TBC1D12: variants seen among roughly 807,000 people sequenced by gnomAD.
TBC1D12 encodes the protein TBC1 domain family, member 12.
A neutral mutation model predicts 86.7 loss-of-function variants in TBC1D12; 56 were observed. The observed-to-expected ratio is 0.65, with a 90% CI of 0.52 to 0.81. The LOEUF (loss-of-function observed/expected upper bound fraction) is 0.81. Ranked by LOEUF, TBC1D12 falls within the 30% of genes least tolerant of loss-of-function variation. The probability of loss-of-function intolerance (pLI) is 0.00; values close to 1 mark genes in which losing one functional copy is unlikely to be tolerated. For missense variants in TBC1D12, 1,023 were observed against 1,038.8 expected (o/e 0.98, Z 0.21); for synonymous variants, 421 against 411.7 (o/e 1.02, Z -0.27).
At chr10:94,531,485 A>T in intron 12 of TBC1D12, 25 bp downstream of exon 12, 4 of 1,593,822 alleles carry the variant, frequency 2.5e-6, no homozygotes, top group Non-Finnish European at 3.4e-6. Context: ...TCTTATCTTT[A>T]ATAGATGTGT....
intron 3 of TBC1D12, among the ~76,000 whole-genome samples, chr10:94,483,036 C>T: frequency 1.0e-5 from 1 of 100,450 alleles, no homozygotes; most frequent in African/African-American, 4.9e-5. Context: ...ACATATTCTT[C>T]TTCTTTTTTT....
At chr10:94,446,993 A>C (rs894036604) in intron 2 of TBC1D12, among the ~76,000 whole-genome samples, 1 of 151,280 alleles carries the variant, frequency 6.6e-6, no homozygotes, top group Non-Finnish European at 1.5e-5. Flanking sequence ...GAATCACTTG[A>C]ACCTGGGAGG....
chr10:94,464,848 T>C (rs1479469125), intron 2 of TBC1D12, among the ~76,000 whole-genome samples: 3 of 152,148 alleles, frequency 2.0e-5, no homozygotes, highest in Non-Finnish European at 4.4e-5. Context: ...AAACAAGTAG[T>C]GGGGAGAGTG....
intron 6 of TBC1D12, among the ~76,000 whole-genome samples, chr10:94,504,124 T>A (rs980746389): frequency 6.6e-6 from 1 of 152,230 alleles, no homozygotes; most frequent in Non-Finnish European, 1.5e-5. Context: ...AGTTAGATTT[T>A]CTAAATAATA....
chr10:94,487,291 G>T, intron 3 of TBC1D12, among the ~76,000 whole-genome samples: 1 of 142,022 alleles, frequency 7.0e-6, no homozygotes. Flanking sequence ...TTTTTTGATT[G>T]GAGAGTTTAG....
chr10:94,475,425 A>G (rs531511241), intron 3 of TBC1D12, among the ~76,000 whole-genome samples: 4 of 151,916 alleles, frequency 2.6e-5, no homozygotes, highest in African/African-American at 7.3e-5. Context: ...GTTTTGTTTT[A>G]TTTATTTTTA....
chr10:94,532,528 A>C (rs1462675121), intron 12 of TBC1D12, among the ~76,000 whole-genome samples: 1 of 152,144 alleles, frequency 6.6e-6, no homozygotes, highest in Non-Finnish European at 1.5e-5. Flanking sequence ...AGTACAACCC[A>C]CAGTAGTCAT....
chr10:94,495,490 T>A (rs1262011892), intron 4 of TBC1D12, among the ~76,000 whole-genome samples: 1 of 152,172 alleles, frequency 6.6e-6, no homozygotes, highest in Non-Finnish European at 1.5e-5. Flanking sequence ...TTTTATTAAT[T>A]TTAAAATTTT....
chr10:94,519,664 G>A (rs1300622341), intron 9 of TBC1D12, among the ~76,000 whole-genome samples: 1 of 152,204 alleles, frequency 6.6e-6, no homozygotes, highest in African/African-American at 2.4e-5. Flanking sequence ...TCCTCAGGAA[G>A]TTCTAGGGGA....
At chr10:94,478,660 A>G (rs914831427) in intron 3 of TBC1D12, among the ~76,000 whole-genome samples, 16 of 152,204 alleles carry the variant, frequency 1.1e-4, no homozygotes, top group Admixed American at 2.0e-4. Flanking sequence ...CAATAAATCA[A>G]TGATGGTGCT....
Position 94,535,465 on chromosome 10 carries a change from G to T in TBC1D12, c.*2369G>T, listed in dbSNP as rs1259302017. Reference sequence around the variant, plus strand: ...GTTAGTGTAGTGACTGCCTCTTTAGGAGTATGGGGCCCTAGGGTGTCCATA... The same window carrying T: ...GTTAGTGTAGTGACTGCCTCTTTAGTAGTATGGGGCCCTAGGGTGTCCATA... On this transcript the variant is annotated 3_prime_UTR_variant, in exon 13 of 13. Coordinates refer to ENST00000225235, the MANE Select transcript of TBC1D12 (RefSeq NM_015188.2). 6.6e-6 allele frequency: 1 copy of T among 152,114 alleles called. No individual in the cohort carries two copies. Among genetic ancestry groups the T allele is most frequent in the African/African-American group, 2.4e-5 (1 of 41,412 alleles). The allele number at this position is 152,114 out of a possible 1,614,324, so 9.4% of individuals were successfully genotyped here. A position where few individuals can be genotyped will look rare whatever the true frequency, so the allele number is the denominator to read the frequency against.
At chr10:94,530,553 G>A (rs535281175) in intron 11 of TBC1D12, among the ~76,000 whole-genome samples, 15 of 152,216 alleles carry the variant, frequency 9.9e-5, no homozygotes, top group South Asian at 8.3e-4. Flanking sequence ...ACACTTTTAC[G>A]TTTATTAACT....
At chr10:94,448,590 C>T (rs2055505244) in intron 2 of TBC1D12, among the ~76,000 whole-genome samples, 1 of 152,192 alleles carries the variant, frequency 6.6e-6, no homozygotes, top group Non-Finnish European at 1.5e-5. Flanking sequence ...GATCCTCCCA[C>T]CTTAGCCTCC....
In TBC1D12 at chr10:94,493,347, A is replaced by C. The variant is rs549643499; in HGVS notation, c.1212-18A>C. 3 of 1,590,700 alleles carry C rather than the reference A, an allele frequency of 1.9e-6. No homozygotes were observed. The highest frequency in any genetic ancestry group is 2.6e-6 in the Non-Finnish European group (3 of 1,166,040). On this transcript the variant is annotated intron_variant, in intron 3 of 12. Coordinates refer to ENST00000225235, the MANE Select transcript of TBC1D12 (RefSeq NM_015188.2). ...ATCTTTTAAAAATTGTCTTGACTTA[A>C]GTAATTTTTTTTTCCAGAAATCTTC... is the stretch of plus-strand genomic sequence containing the variant.
intron 10 of TBC1D12, 53 bp from the exon 11 acceptor site, chr10:94,522,291 C>A (rs1842172825): frequency 8.8e-7 from 1 of 1,132,998 alleles, no homozygotes; most frequent in Non-Finnish European, 1.2e-6. Context: ...CGTTTAATTT[C>A]TTTATTTCTA....
chr10:94,510,140 C>T lies in TBC1D12; in HGVS notation c.1650C>T (p.Asp550=). The T allele has an allele frequency of 6.2e-7, 1 of 1,609,292 alleles. No individual in the cohort carries two copies. The highest frequency in any genetic ancestry group is 1.1e-5 in the South Asian group (1 of 89,838). The change falls in exon 8 of 13, where the codon GAC becomes GAT. Residue 550 remains aspartate, a synonymous_variant. Coordinates refer to ENST00000225235, the MANE Select transcript of TBC1D12 (RefSeq NM_015188.2). ...REASLELIKL[D]ISRTFPSLYI... ...CCAGTCTGGAATTAATTAAGTTGGA[C>T]ATATCCCGTACATTTCCATCTCTCT...
chr10:94,487,377 T>C (rs959620352), intron 3 of TBC1D12, among the ~76,000 whole-genome samples: 2 of 151,952 alleles, frequency 1.3e-5, no homozygotes, highest in African/African-American at 4.8e-5. Context: ...GTTTGTTATG[T>C]GGTCTTCTCT....
intron 3 of TBC1D12, among the ~76,000 whole-genome samples, chr10:94,475,932 T>A (rs1238905240): frequency 3.9e-5 from 6 of 152,060 alleles, no homozygotes; most frequent in African/African-American, 1.4e-4. Context: ...GTCCCTCTCT[T>A]TCTTTTTAAT....
At chr10:94,465,763 C>T (rs1477981058) in intron 2 of TBC1D12, among the ~76,000 whole-genome samples, 1 of 148,966 alleles carries the variant, frequency 6.7e-6, no homozygotes, top group African/African-American at 2.5e-5. Flanking sequence ...TGTATACATA[C>T]ATACGTATAC....
Sources: allele counts gnomAD v4.1 joint callset (sites outside exome capture counted in the v4.1 genomes callset), GRCh38; gene constraint gnomAD v4.1.1; transcripts MANE v1.5; gene names NCBI Gene and HGNC (gene_info 2026-07-23, HGNC 2026-07-21).